Variants in LIX1 observed in about 807,000 individuals in gnomAD.
The protein encoded by LIX1 is limb and CNS expressed 1.
Under a neutral mutation model 33.4 loss-of-function variants are expected in LIX1, and 24 were observed. That is an observed-to-expected ratio of 0.72 (90% CI 0.52 to 1.01). The LOEUF is 1.01. LIX1 is among the 50% of genes least tolerant of loss of function. The pLI is 0.00. For missense variants in LIX1, 311 were observed against 339.2 expected (o/e 0.92, Z 0.65); for synonymous variants, 124 against 124.0 (o/e 1.00, Z 0.00).
rs1459028518 is a variant in LIX1 at position 97,092,020 on chromosome 5, T to C, written c.*2728A>G. 1 of 152,374 alleles carries C rather than the reference T, an allele frequency of 6.6e-6. No homozygotes were observed. Among genetic ancestry groups the C allele is most frequent in the Non-Finnish European group, 1.5e-5 (1 of 68,034 alleles). The allele number at this position is 152,374 out of a possible 1,614,324, so 9.4% of individuals were successfully genotyped here. A position where few individuals can be genotyped will look rare whatever the true frequency, so the allele number is the denominator to read the frequency against. ...TTAAACTATCTCATGTCAAACACAGTGCAATTTTGGATTTCAGGATTATGA... is the reference window on the plus strand; with the variant it reads ...TTAAACTATCTCATGTCAAACACAGCGCAATTTTGGATTTCAGGATTATGA... On this transcript the variant is annotated 3_prime_UTR_variant, in exon 6 of 6. Transcript: ENST00000274382.
intron 5 of LIX1, among the ~76,000 whole-genome samples, chr5:97,095,424 G>A (rs990142066): frequency 6.6e-6 from 1 of 152,170 alleles, no homozygotes; most frequent in Non-Finnish European, 1.5e-5. Flanking sequence ...ATAAAGAGAG[G>A]GAAGTAGCAC....
rs1748317298 is a variant in LIX1, at chr5:97,142,598, C to T, written c.-22G>A. 1 of 1,595,548 alleles carries T rather than the reference C, an allele frequency of 6.3e-7. No homozygotes were observed. The highest frequency in any genetic ancestry group is 8.6e-7 in the Non-Finnish European group (1 of 1,163,324). On this transcript the variant is annotated 5_prime_UTR_variant, in exon 1 of 6. Transcript: ENST00000274382. ...CCATCTTGGGTCTGCCTGTGTGAGCCTCCTGTACAGAGTGTCCTCATGCCT... is the reference window on the plus strand; with the variant it reads ...CCATCTTGGGTCTGCCTGTGTGAGCTTCCTGTACAGAGTGTCCTCATGCCT...
intron 2 of LIX1, 94 bp from the exon 3 acceptor site, chr5:97,107,594 A>T: frequency 7.6e-7 from 1 of 1,322,682 alleles, no homozygotes; most frequent in South Asian, 1.3e-5. Context: ...TTCTATTTAT[A>T]CATTTACTGT....
intron 1 of LIX1, among the ~76,000 whole-genome samples, chr5:97,135,006 T>C (rs1222432221): frequency 6.6e-6 from 1 of 152,178 alleles, no homozygotes; most frequent in Non-Finnish European, 1.5e-5. Flanking sequence ...GGAAAGCTGG[T>C]TGTGTTTCTT....
chr5:97,119,884 A>T (rs981528224), intron 2 of LIX1, among the ~76,000 whole-genome samples: 1 of 152,074 alleles, frequency 6.6e-6, no homozygotes, highest in African/African-American at 2.4e-5. Flanking sequence ...ATAACACTAG[A>T]ATTTCTTACA....
chr5:97,112,652 C>T (rs1311716176), intron 2 of LIX1, among the ~76,000 whole-genome samples: 1 of 152,162 alleles, frequency 6.6e-6, no homozygotes. Flanking sequence ...GTGAATTTCT[C>T]AGGCATGTGG....
intron 2 of LIX1, among the ~76,000 whole-genome samples, chr5:97,113,487 C>G (rs1240971160): frequency 1.3e-5 from 2 of 152,124 alleles, no homozygotes; most frequent in Non-Finnish European, 2.9e-5. Flanking sequence ...ATGCTGAGCA[C>G]TTTATGTTTA....
chr5:97,126,022 T>C (rs757109274), intron 1 of LIX1, among the ~76,000 whole-genome samples: 2 of 152,214 alleles, frequency 1.3e-5, no homozygotes, highest in Non-Finnish European at 2.9e-5. Flanking sequence ...GCTATGCCCA[T>C]AATCCAGGAT....
intron 1 of LIX1, 108 bp downstream of exon 1, chr5:97,142,387 G>T: frequency 1.4e-6 from 1 of 731,384 alleles, no homozygotes; most frequent in Non-Finnish European, 2.3e-6. Context: ...TTAGAACACA[G>T]CATACGACTG....
Position 97,093,819 on chromosome 5 carries a change from CCTT to C in LIX1, c.*926_*928del, listed in dbSNP as rs1216994473. 8 of 152,360 alleles carry C rather than the reference CCTT, an allele frequency of 5.3e-5. No individual in the cohort carries two copies. Among genetic ancestry groups the C allele is most frequent in the African/African-American group, 1.9e-4 (8 of 41,530 alleles). The allele number at this position is 152,360 out of a possible 1,614,324, so 9.4% of individuals were successfully genotyped here. On this transcript the variant is annotated 3_prime_UTR_variant, in exon 6 of 6. Transcript: ENST00000274382. ...TGAACAACAAACAGAGCTAAAGGGT[CCTT>C]CTCTCAAATGCTGGTGAAACTAATC...
At position 97,105,299 on chromosome 5, in the gene LIX1, G is replaced by A. The variant is rs1183248593; in HGVS notation, c.388-14C>T. The A allele has an allele frequency of 6.2e-7, 1 of 1,606,408 alleles. No individual in the cohort carries two copies. On this transcript the variant is annotated splice_polypyrimidine_tract_variant and intron_variant, in intron 3 of 5. Transcript: ENST00000274382. ...ATCTAAGGTGCCCTTGGGAAAGAAA[G>A]CAGAAAAAGAAAAATTACTGATTTT...
intron 4 of LIX1, among the ~76,000 whole-genome samples, chr5:97,104,502 G>A (rs527366924): frequency 1.1e-4 from 17 of 152,208 alleles, no homozygotes; most frequent in South Asian, 4.2e-4. Context: ...GATAACATGA[G>A]GATAACGATA....
At chr5:97,118,468 G>A (rs914510773) in intron 2 of LIX1, among the ~76,000 whole-genome samples, 4 of 152,144 alleles carry the variant, frequency 2.6e-5, no homozygotes, top group Admixed American at 1.3e-4. Context: ...GGAGCCAGAC[G>A]TGGATCTGAT....
intron 1 of LIX1, among the ~76,000 whole-genome samples, chr5:97,141,019 C>T (rs1208397826): frequency 2.6e-5 from 4 of 152,166 alleles, no homozygotes; most frequent in Non-Finnish European, 5.9e-5. Context: ...ATCTTCTTTT[C>T]TAAACTGTAA....
intron 4 of LIX1, among the ~76,000 whole-genome samples, chr5:97,104,763 T>C (rs535794879): frequency 6.6e-6 from 1 of 152,280 alleles, no homozygotes; most frequent in South Asian, 2.1e-4. Flanking sequence ...ACTTGTTTAA[T>C]AGAAAACCAG....
chr5:97,124,215 C>T (rs532276533), intron 2 of LIX1, among the ~76,000 whole-genome samples: 7 of 152,036 alleles, frequency 4.6e-5, no homozygotes, highest in South Asian at 4.2e-4. Flanking sequence ...ATGAGTTTCA[C>T]GGTATCCATA....
Position 97,094,234 on chromosome 5 carries a change from T to A in LIX1, c.*514A>T, listed in dbSNP as rs1746221532. ...AATCCCCACTGTAGTTTGCAGTGTA[T>A]CTAGTAGGACATAAACTATTGCTTA... On this transcript the variant is annotated 3_prime_UTR_variant, in exon 6 of 6. Coordinates refer to ENST00000274382, the MANE Select transcript of LIX1 (RefSeq NM_153234.5). 2 of 153,736 alleles carry A rather than the reference T, an allele frequency of 1.3e-5. No homozygotes were observed. Among genetic ancestry groups the A allele is most frequent in the Admixed American group, 6.4e-5 (1 of 15,578 alleles). The allele number at this position is 153,736 out of a possible 1,614,324, so 9.5% of individuals were successfully genotyped here.
chr5:97,124,723 A>C (rs1747874010), intron 1 of LIX1, 94 bp from the exon 2 acceptor site: 1 of 1,071,934 alleles, frequency 9.3e-7, no homozygotes, highest in African/African-American at 1.6e-5. Flanking sequence ...CTGTAGCATG[A>C]CAGTTCCAGT....
intron 1 of LIX1, 41 bp from the exon 2 acceptor site, chr5:97,124,670 C>T (rs375192063): frequency 8.4e-6 from 13 of 1,554,340 alleles, no homozygotes; most frequent in African/African-American, 1.4e-5. Context: ...TAAGGATGGA[C>T]ATAATCTGGT....
Sources: allele counts gnomAD v4.1 joint callset (sites outside exome capture counted in the v4.1 genomes callset), GRCh38; gene constraint gnomAD v4.1.1; transcripts MANE v1.5; gene names NCBI Gene and HGNC (gene_info 2026-07-23, HGNC 2026-07-21).